The following RAPH1 variants were observed in gnomAD, a reference collection of about 807,000 sequenced individuals.
The protein encoded by RAPH1 is Ras association (RalGDS/AF-6) and pleckstrin homology domains 1, also known as ras-associated and pleckstrin homology domains-containing protein 1.
In RAPH1, 18 loss-of-function variants were observed where a neutral mutation model predicts 88.1. The ratio of observed to expected loss-of-function variants is 0.20; its 90% CI spans 0.14 to 0.30. The LOEUF (loss-of-function observed/expected upper bound fraction) is 0.30, where lower values mean the gene tolerates loss of function less well. RAPH1 is among the 10% of genes least tolerant of loss of function. The probability of loss-of-function intolerance (pLI) is 1.00; values close to 1 mark genes in which losing one functional copy is unlikely to be tolerated. For synonymous variants in RAPH1, 587 were observed against 559.0 expected (o/e 1.05, Z -0.71); for missense variants, 1,448 against 1,543.2 (o/e 0.94, Z 1.03).
At chr2:203,455,145 T>G (rs1222151422) in intron 9 of RAPH1, among the ~76,000 whole-genome samples, 1 of 152,030 alleles carries the variant, frequency 6.6e-6, no homozygotes, top group Non-Finnish European at 1.5e-5. Context: ...GTGCTGTTCT[T>G]CCCAAACAAA....
intron 13 of RAPH1, 91 bp downstream of exon 13, chr2:203,444,777 T>C: frequency 5.0e-6 from 6 of 1,207,928 alleles, no homozygotes; most frequent in Non-Finnish European, 7.1e-6. Context: ...TAAGGCCAAA[T>C]AAGATCCCCG....
intron 4 of RAPH1, among the ~76,000 whole-genome samples, chr2:203,483,760 A>G (rs1687833477): frequency 6.6e-6 from 1 of 152,190 alleles, no homozygotes; most frequent in South Asian, 2.1e-4. Context: ...CAAAAAAGGC[A>G]GAGAAAAGGT....
In RAPH1 at chr2:203,441,202, A is replaced by G; in HGVS notation, c.1988T>C (p.Met663Thr). 2.0e-6 allele frequency: 3 copies of G among 1,474,142 alleles called. No homozygotes were observed. The highest frequency in any genetic ancestry group is 2.7e-6 in the Non-Finnish European group (3 of 1,094,336). The allele number at this position is 1,474,142 out of a possible 1,614,324, so 91.3% of individuals were successfully genotyped here. A position where few individuals can be genotyped will look rare whatever the true frequency, so the allele number is the denominator to read the frequency against. ...TGTTATTGTGCTGTACTTGACGAAC[A>G]TTGGGGCTGCTGAGCCTGCAGAAGG... ...SAPSAGSAAP[M>T]FVKYSTITRL... Residue 663 changes from methionine (M) to threonine (T), a missense_variant, in exon 14 of 14, where the codon ATG becomes ACG. By Grantham distance (81) the Met-to-Thr change is moderately conservative (BLOSUM62 -1). This residue lies in a region of RAPH1 where 935 missense variants were observed against 890.1 expected (regional missense o/e 1.05). Transcript: ENST00000319170.
At chr2:203,441,636 A>G in intron 13 of RAPH1, 4 of 1,345,616 alleles carry the variant, frequency 3.0e-6, no homozygotes, top group Non-Finnish European at 3.8e-6. Flanking sequence ...ACCCCACAGT[A>G]AAATAGCTAG....
chr2:203,453,775 T>C (rs1480920989), intron 10 of RAPH1, among the ~76,000 whole-genome samples: 3 of 152,038 alleles, frequency 2.0e-5, no homozygotes, highest in Admixed American at 6.6e-5. Flanking sequence ...AAAAAAATTA[T>C]CTCCCTAATT....
rs1302080962 is a variant in RAPH1 at position 203,437,224 on chromosome 2, G to C, written c.*2213C>G. The C allele has an allele frequency of 6.6e-6, 1 of 152,122 alleles. No individual in the cohort carries two copies. The allele number at this position is 152,122 out of a possible 1,614,324, so 9.4% of individuals were successfully genotyped here. On this transcript the variant is annotated 3_prime_UTR_variant, in exon 14 of 14. Transcript: ENST00000319170. ...AGGGCTCAAATCATGGGTGAAAAAA[G>C]GTTAGCGGGTACATTTTTTCCCCCT...
chr2:203,513,604 G>A (rs1689460644), intron 1 of RAPH1, among the ~76,000 whole-genome samples: 1 of 150,336 alleles, frequency 6.7e-6, no homozygotes, highest in Admixed American at 6.6e-5. Flanking sequence ...GGGAGACTGA[G>A]GTGGGCAGAT....
chr2:203,519,007 A>C (rs1689746574), intron 1 of RAPH1, among the ~76,000 whole-genome samples: 1 of 152,222 alleles, frequency 6.6e-6, no homozygotes. Flanking sequence ...TCCATCAATA[A>C]TTAATAATTC....
chr2:203,447,741 A>G, intron 12 of RAPH1: 2 of 353,174 alleles, frequency 5.7e-6, no homozygotes, highest in Non-Finnish European at 1.0e-5. Flanking sequence ...GGCTTTAGAA[A>G]TCTATATACT....
At chr2:203,453,323 T>C (rs1167702188) in intron 10 of RAPH1, among the ~76,000 whole-genome samples, 11 of 151,812 alleles carry the variant, frequency 7.2e-5, no homozygotes, top group Non-Finnish European at 2.9e-5. Flanking sequence ...GGCAGGCAGA[T>C]TGCTTGAGGC....
chr2:203,506,777 TATCTAG>T (rs1294037930), intron 1 of RAPH1, among the ~76,000 whole-genome samples: 2 of 122,382 alleles, frequency 1.6e-5, no homozygotes, highest in Middle Eastern at 3.7e-3. Context: ...TATCTATATA[TATCTAG>T]ATATATATAT....
chr2:203,457,476 G>T, intron 8 of RAPH1, 54 bp downstream of exon 8: 2 of 1,437,152 alleles, frequency 1.4e-6, no homozygotes, highest in Non-Finnish European at 9.8e-7. Flanking sequence ...GAGCCACCAT[G>T]CCTGGCCTAA....
chr2:203,529,001 ATATATTTTT>A (rs1162328935), intron 1 of RAPH1, among the ~76,000 whole-genome samples: 10 of 80,660 alleles, frequency 1.2e-4, no homozygotes, highest in African/African-American at 5.2e-4. Flanking sequence ...ATATATATAT[ATATATTTTT>A]TTTTTTTTTT....
chr2:203,529,002 TA>T (rs1166484520), intron 1 of RAPH1, among the ~76,000 whole-genome samples: 5,343 of 76,460 alleles, frequency 0.07, 306 homozygotes, highest in Non-Finnish European at 0.098. Context: ...TATATATATA[TA>T]TATTTTTTTT....
rs1688416507 is a variant in RAPH1, at chr2:203,494,356, A to C, written c.120+878T>G. 2.0e-5 allele frequency among the ~76,000 whole-genome samples: 3 copies of C among 152,208 alleles called. No individual in the cohort carries two copies. The South Asian group carries it at 6.2e-4, about 31-fold the overall frequency. On this transcript the variant is annotated intron_variant, in intron 2 of 13. Coordinates refer to ENST00000319170, the MANE Select transcript of RAPH1 (RefSeq NM_213589.3). ...AATGTATTACTGGGGCAATAATAAC[A>C]GTACCCTTTTATTCTAAAAAGTGTG... is the stretch of plus-strand genomic sequence containing the variant.
At chr2:203,480,933 G>A (rs62182787) in intron 4 of RAPH1, among the ~76,000 whole-genome samples, 1 of 152,146 alleles carries the variant, frequency 6.6e-6, no homozygotes, top group African/African-American at 2.4e-5. Context: ...TAAAATCGGG[G>A]TACTCACAGC....
At chr2:203,495,646 A>G (rs1180782121) in intron 1 of RAPH1, among the ~76,000 whole-genome samples, 2 of 152,162 alleles carry the variant, frequency 1.3e-5, no homozygotes, top group Non-Finnish European at 2.9e-5. Context: ...CCTTTCAATC[A>G]GCAGAGGACA....
intron 1 of RAPH1, among the ~76,000 whole-genome samples, chr2:203,496,265 G>A (rs968509293): frequency 1.3e-5 from 2 of 152,190 alleles, no homozygotes; most frequent in Non-Finnish European, 2.9e-5. Flanking sequence ...GGCTGAGCCA[G>A]GAGAATCACT....
intron 10 of RAPH1, among the ~76,000 whole-genome samples, chr2:203,453,404 G>A (rs138419526): frequency 6.6e-6 from 1 of 151,864 alleles, no homozygotes; most frequent in African/African-American, 2.4e-5. Context: ...AAATTAGCTG[G>A]GTGTGGTGGC....
Sources: allele counts gnomAD v4.1 joint callset (sites outside exome capture counted in the v4.1 genomes callset), GRCh38; gene constraint gnomAD v4.1.1; regional missense constraint gnomAD v4.1.1; transcripts MANE v1.5; gene names NCBI Gene and HGNC (gene_info 2026-07-23, HGNC 2026-07-21).